POM121C: variants seen among roughly 807,000 people sequenced by gnomAD.
The protein encoded by POM121C is POM121 transmembrane nucleoporin C, also known as nuclear envelope pore membrane protein POM 121C.
A neutral mutation model predicts 66.4 loss-of-function variants in POM121C; 20 were observed. The ratio of observed to expected loss-of-function variants is 0.30; its 90% CI spans 0.21 to 0.44. The LOEUF (loss-of-function observed/expected upper bound fraction) is 0.44. Among genes scored for constraint, POM121C ranks in the 20% least tolerant of loss-of-function variants. The pLI is 1.00. For missense variants in POM121C, 580 were observed against 1,225.7 expected (o/e 0.47, Z 7.87); for synonymous variants, 286 against 528.0 (o/e 0.54, Z 6.28).
intron 13 of POM121C, chr7:75,419,711 A>C: frequency 4.2e-6 from 2 of 473,452 alleles, no homozygotes; most frequent in Non-Finnish European, 7.5e-6. Flanking sequence ...GGGCCTCCTG[A>C]CCATCGCTGC....
chr7:75,455,728 A>G (rs1197151232), intron 3 of POM121C, among the ~76,000 whole-genome samples: 1 of 151,718 alleles, frequency 6.6e-6, no homozygotes, highest in Non-Finnish European at 1.5e-5. Flanking sequence ...TTACATTCCT[A>G]TCAGTTTACT....
In POM121C at chr7:75,437,539, G is replaced by A. The variant is rs1790462996; in HGVS notation, c.456C>T (p.Tyr152=). 2 of 1,613,638 alleles carry A rather than the reference G, an allele frequency of 1.2e-6. No homozygotes were observed. Among genetic ancestry groups the A allele is most frequent in the Non-Finnish European group, 8.5e-7 (1 of 1,179,772 alleles). The change falls in exon 7 of 15, where the codon TAC becomes TAT. Residue 152 remains tyrosine, a synonymous_variant. Transcript: ENST00000615331. ...CCTGTGAGATGCCTCGAGTGGAGCT[G>A]TAGGAACTGGTAATGGCATTGCGGC... The part of the protein sequence containing the change: ...SSSRNAITSS[Y]SSTRGISQLW...
chr7:75,423,883 T>A (rs1314826189), intron 12 of POM121C, among the ~76,000 whole-genome samples, 166 bp downstream of exon 12: 3 of 152,218 alleles, frequency 2.0e-5, no homozygotes, highest in Non-Finnish European at 4.4e-5. Flanking sequence ...CACTTCCTGA[T>A]GTGGGCTCCG....
At chr7:75,433,234 C>CAAA (rs782004307) in intron 7 of POM121C, among the ~76,000 whole-genome samples, 2,610 of 44,190 alleles carry the variant, frequency 0.059, 580 homozygotes, top group Admixed American at 0.088. Context: ...GACTCTGTCT[C>CAAA]AAAAAAAAAA....
chr7:75,448,186 A>T (rs59551546), intron 3 of POM121C, among the ~76,000 whole-genome samples: 1 of 151,848 alleles, frequency 6.6e-6, no homozygotes, highest in Non-Finnish European at 1.5e-5. Flanking sequence ...CCAGTGAGCC[A>T]TAATTGTGCC....
At chr7:75,431,328 G>C (rs1239481830) in intron 7 of POM121C, among the ~76,000 whole-genome samples, 2 of 152,086 alleles carry the variant, frequency 1.3e-5, no homozygotes, top group African/African-American at 4.8e-5. Flanking sequence ...ACCGGGCTGG[G>C]TGCAGTGGCT....
chr7:75,476,692 C>T (rs28397138), intron 1 of POM121C, among the ~76,000 whole-genome samples: 17 of 151,878 alleles, frequency 1.1e-4, no homozygotes, highest in African/African-American at 2.9e-4. Context: ...GAAGACTGAT[C>T]GACCAATAAA....
rs587636589 is a variant in POM121C, at chr7:75,423,608, G to A, written c.1049-405C>T. 7.4e-3 allele frequency among the ~76,000 whole-genome samples: 1,130 copies of A among 151,790 alleles called. 11 individuals carry two copies. The highest frequency in any genetic ancestry group is 0.026 in the African/African-American group (1,076 of 41,246). On this transcript the variant is annotated intron_variant, in intron 12 of 14. Transcript: ENST00000615331. Reference sequence around the variant, plus strand: ...GGGTGCGTACGAACCCCAGGTTACCGTCTGATAAAGAGGTGTGCGCGCGCA... The same window carrying A: ...GGGTGCGTACGAACCCCAGGTTACCATCTGATAAAGAGGTGTGCGCGCGCA...
chr7:75,442,844 C>T lies in POM121C; in HGVS notation c.-151-1197G>A, dbSNP rs1790715516. ...GGAGACGCTACAGCCCGGCAGCTCC[C>T]GAGACACAGCTGTTTTGGAAAATGC... On this transcript the variant is annotated intron_variant, in intron 3 of 14. Coordinates refer to ENST00000615331, the MANE Select transcript of POM121C (RefSeq NM_001099415.3). 4 of 1,112,592 alleles carry T rather than the reference C, an allele frequency of 3.6e-6. No individual in the cohort carries two copies. The South Asian group carries it at 1.3e-4, about 36-fold the overall frequency. The allele number at this position is 1,112,592 out of a possible 1,614,324, so 68.9% of individuals were successfully genotyped here. A position where few individuals can be genotyped will look rare whatever the true frequency, so the allele number is the denominator to read the frequency against.
chr7:75,456,527 G>A (rs1289414849), intron 3 of POM121C, among the ~76,000 whole-genome samples: 2 of 152,184 alleles, frequency 1.3e-5, no homozygotes, highest in African/African-American at 2.4e-5. Flanking sequence ...CAGACGAAAT[G>A]AGGAAGAAGA....
chr7:75,486,201 A>G lies in POM121C; in HGVS notation c.-795T>C, dbSNP rs587736660. 3.2e-4 allele frequency: 95 copies of G among 296,190 alleles called. No individual in the cohort carries two copies. The highest frequency in any genetic ancestry group is 2.2e-3 in the African/African-American group (92 of 42,230). 18.3% of individuals were successfully genotyped at this position (296,190 alleles called of 1,614,324 possible). ...CTAGGTGCTGGTCCGGGCGGTCAGCATCCAGCCCCGCAGACTCGGTGATTC... is the reference window on the plus strand; with the variant it reads ...CTAGGTGCTGGTCCGGGCGGTCAGCGTCCAGCCCCGCAGACTCGGTGATTC... On this transcript the variant is annotated 5_prime_UTR_variant, in exon 1 of 15. An upstream start codon of the reference 5' UTR is lost. Coordinates refer to ENST00000615331, the MANE Select transcript of POM121C (RefSeq NM_001099415.3).
intron 3 of POM121C, among the ~76,000 whole-genome samples, chr7:75,470,070 T>G (rs71554667): frequency 6.6e-6 from 1 of 151,796 alleles, no homozygotes; most frequent in African/African-American, 2.4e-5. Flanking sequence ...AGGTTCAAGC[T>G]ATTTCTGGCT....
chr7:75,425,804 T>A (rs1485998130), intron 8 of POM121C, 96 bp from the exon 9 acceptor site: 122 of 1,060,416 alleles, frequency 1.2e-4, no homozygotes, highest in Non-Finnish European at 1.6e-4. Context: ...GTGGCCAACA[T>A]CTAAAACAAC....
chr7:75,467,858 T>C (rs587695082), intron 3 of POM121C, among the ~76,000 whole-genome samples: 74 of 151,130 alleles, frequency 4.9e-4, no homozygotes, highest in South Asian at 2.3e-3. Context: ...GGCCGGGCAC[T>C]GTGGCTCATG....
intron 6 of POM121C, 49 bp downstream of exon 6, chr7:75,439,095 G>C: frequency 1.3e-6 from 2 of 1,597,388 alleles, no homozygotes; most frequent in Non-Finnish European, 1.7e-6. Context: ...GCTCTGATCA[G>C]GCCTTTTTCC....
At chr7:75,449,743 C>T (rs138903571) in intron 3 of POM121C, among the ~76,000 whole-genome samples, 2,045 of 152,048 alleles carry the variant, frequency 0.013, 10 homozygotes, top group African/African-American at 0.019. Context: ...TGGCCAGGCA[C>T]GGTGGCTCAT....
chr7:75,485,673 C>T (rs1481190611), intron 1 of POM121C, among the ~76,000 whole-genome samples, 191 bp downstream of exon 1: 3 of 152,152 alleles, frequency 2.0e-5, no homozygotes, highest in African/African-American at 7.2e-5. Context: ...TCCACGCCTC[C>T]GTAAGCCTCG....
intron 3 of POM121C, chr7:75,442,740 G>C: frequency 1.5e-6 from 2 of 1,348,710 alleles, no homozygotes; most frequent in Non-Finnish European, 1.9e-6. Flanking sequence ...CGCCGCGGAG[G>C]AGACTTAAAT....
intron 12 of POM121C, among the ~76,000 whole-genome samples, chr7:75,423,779 G>A (rs1789819762): frequency 6.6e-6 from 1 of 151,636 alleles, no homozygotes; most frequent in Non-Finnish European, 1.5e-5. Flanking sequence ...TGCTGCACCG[G>A]GAAGATCATT....
Sources: allele counts gnomAD v4.1 joint callset (sites outside exome capture counted in the v4.1 genomes callset), GRCh38; gene constraint gnomAD v4.1.1; transcripts MANE v1.5; gene names NCBI Gene and HGNC (gene_info 2026-07-23, HGNC 2026-07-21).